The following DCHS2 variants were observed in gnomAD, a reference collection of about 807,000 sequenced individuals.
DCHS2 encodes dachsous cadherin-related 2.
A neutral mutation model predicts 182.4 loss-of-function variants in DCHS2; 142 were observed. That is an observed-to-expected ratio of 0.78 (90% CI 0.68 to 0.89). The LOEUF is 0.89. Among genes scored for constraint, DCHS2 ranks in the 40% least tolerant of loss-of-function variants. The pLI is 0.00. For synonymous variants in DCHS2, 1,740 were observed against 1,663.3 expected (o/e 1.05, Z -1.12); for missense variants, 4,319 against 4,198.6 (o/e 1.03, Z -0.79).
At chr4:154,248,540 TAATA>T (rs1732196915) in intron 16 of DCHS2, among the ~76,000 whole-genome samples, 1 of 152,152 alleles carries the variant, frequency 6.6e-6, no homozygotes, top group Middle Eastern at 3.2e-3. Flanking sequence ...ACTTTGATAA[TAATA>T]AAAAATCAAA....
chr4:154,334,645 C>A, intron 4 of DCHS2: 1 of 514,828 alleles, frequency 1.9e-6, no homozygotes, highest in Non-Finnish European at 3.5e-6. Context: ...TTATTTTAAA[C>A]ATTCTTTTTA....
intron 1 of DCHS2, chr4:154,391,274 T>C (rs748720646): frequency 1.2e-6 from 2 of 1,603,652 alleles, no homozygotes; most frequent in Non-Finnish European, 1.7e-6. Flanking sequence ...CATTCTCTGA[T>C]TTCGTTATCT....
At chr4:154,397,631 T>A (rs1731990756) in intron 1 of DCHS2, among the ~76,000 whole-genome samples, 1 of 152,198 alleles carries the variant, frequency 6.6e-6, no homozygotes, top group South Asian at 2.1e-4. Flanking sequence ...TTTCCCTACT[T>A]TTTTAACCTG....
At chr4:154,489,250 C>A in intron 1 of DCHS2, 54 bp downstream of exon 1, 2 of 1,387,272 alleles carry the variant, frequency 1.4e-6, no homozygotes, top group Non-Finnish European at 1.9e-6. Flanking sequence ...AACTCACAAC[C>A]CTCTCCATCC....
At position 154,297,284 on chromosome 4, in the gene DCHS2, C is replaced by CTT. The variant is rs556235728; in HGVS notation, c.6463+565_6463+566dup. On this transcript the variant is annotated intron_variant, in intron 13 of 19. Transcript: ENST00000357232. ...CTTTTAGTTCGCCTCTCAATTTAGA[C>CTT]TTATGCCCTTCACACGTTATATTTG... Among the ~76,000 whole-genome samples, 430 of 152,306 alleles carry CTT rather than the reference C, an allele frequency of 2.8e-3. 3 individuals are homozygous for CTT. The highest frequency in any genetic ancestry group is 9.6e-3 in the African/African-American group (400 of 41,574).
chr4:154,415,904 AT>A (rs1254612900), intron 1 of DCHS2, among the ~76,000 whole-genome samples: 2 of 151,938 alleles, frequency 1.3e-5, no homozygotes, highest in Admixed American at 6.5e-5. Flanking sequence ...CCATTTTATT[AT>A]TTTTTAAATA....
intron 16 of DCHS2, among the ~76,000 whole-genome samples, chr4:154,254,301 C>T (rs6826376): frequency 0.024 from 3,707 of 152,224 alleles, 155 homozygotes; most frequent in African/African-American, 0.081. Flanking sequence ...ATATTTTCTT[C>T]CAGAAGCATT....
chr4:154,283,653 G>A (rs923937844), intron 13 of DCHS2, among the ~76,000 whole-genome samples: 5 of 152,134 alleles, frequency 3.3e-5, no homozygotes, highest in African/African-American at 1.2e-4. Context: ...AGAAAGGCAG[G>A]TGCTAAAATG....
intron 1 of DCHS2, among the ~76,000 whole-genome samples, chr4:154,403,202 T>G (rs969561387): frequency 3.3e-5 from 5 of 152,170 alleles, no homozygotes; most frequent in African/African-American, 1.2e-4. Context: ...ATTACAATAC[T>G]GATTAGAAGT....
intron 1 of DCHS2, among the ~76,000 whole-genome samples, chr4:154,378,331 A>G (rs13134088): frequency 0.34 from 52,280 of 151,782 alleles, 10,294 homozygotes; most frequent in Non-Finnish European, 0.46. Context: ...GGCTCATGAT[A>G]GATAATGCTT....
chr4:154,389,607 CTT>C (rs768156556), intron 1 of DCHS2, among the ~76,000 whole-genome samples: 24 of 150,010 alleles, frequency 1.6e-4, no homozygotes, highest in Non-Finnish European at 3.3e-4. Flanking sequence ...TATATCATGA[CTT>C]TATATTTTAC....
intron 1 of DCHS2, among the ~76,000 whole-genome samples, chr4:154,476,613 T>C (rs995898052): frequency 2.6e-5 from 4 of 152,210 alleles, no homozygotes; most frequent in Admixed American, 1.3e-4. Flanking sequence ...CATTTTATCA[T>C]TGAACAAATT....
intron 2 of DCHS2, among the ~76,000 whole-genome samples, chr4:154,367,718 A>G (rs1730451638): frequency 6.6e-6 from 1 of 152,204 alleles, no homozygotes; most frequent in South Asian, 2.1e-4. Flanking sequence ...CCCCCTCTTC[A>G]TCTTTTTTGT....
At chr4:154,351,742 A>ACC (rs1056997995) in intron 3 of DCHS2, among the ~76,000 whole-genome samples, 1 of 152,144 alleles carries the variant, frequency 6.6e-6, no homozygotes, top group Non-Finnish European at 1.5e-5. Context: ...GATCTCCTGC[A>ACC]CGCACAGTTC....
intron 14 of DCHS2, among the ~76,000 whole-genome samples, chr4:154,264,167 G>T (rs1401045993): frequency 6.6e-6 from 1 of 152,132 alleles, no homozygotes; most frequent in Admixed American, 6.6e-5. Context: ...TTCAACTGAG[G>T]CTTCAGAGAA....
Position 154,304,702 on chromosome 4 carries a change from C to T in DCHS2, c.5572G>A (p.Gly1858Ser), listed in dbSNP as rs1578941942. The T allele has an allele frequency of 4.3e-6, 7 of 1,613,136 alleles. No homozygotes were observed. The East Asian group carries it at 1.6e-4, about 36-fold the overall frequency. ...YTVLASDMDA[G>S]NNRAVEYHII... ...TGATATTCAACAGCTCTGTTATTGCCAGCATCCATATCAGAGGCTAAAACC... is the reference window on the plus strand; with the variant it reads ...TGATATTCAACAGCTCTGTTATTGCTAGCATCCATATCAGAGGCTAAAACC... Residue 1858 changes from glycine to serine, a missense_variant, in exon 12 of 20, where the codon GGC becomes AGC. Gly to Ser is a moderately conservative substitution (Grantham distance 56, BLOSUM62 0). Coordinates refer to ENST00000357232, the MANE Select transcript of DCHS2 (RefSeq NM_001358235.2).
intron 13 of DCHS2, among the ~76,000 whole-genome samples, chr4:154,295,669 A>G (rs116306337): frequency 0.017 from 2,577 of 152,362 alleles, 70 homozygotes; most frequent in African/African-American, 0.058. Context: ...GGACAGAAAG[A>G]TAACAAAAAT....
intron 16 of DCHS2, among the ~76,000 whole-genome samples, chr4:154,247,898 G>A (rs551253773): frequency 3.3e-4 from 50 of 152,324 alleles, no homozygotes; most frequent in African/African-American, 1.1e-3. Flanking sequence ...CATGGGATCT[G>A]GAAGTGCTGG....
intron 3 of DCHS2, among the ~76,000 whole-genome samples, chr4:154,363,959 G>A (rs146297390): frequency 6.6e-6 from 1 of 152,286 alleles, no homozygotes; most frequent in East Asian, 1.9e-4. Context: ...AAAGGTTAAA[G>A]TAAAGCACTA....
Sources: allele counts gnomAD v4.1 joint callset (sites outside exome capture counted in the v4.1 genomes callset), GRCh38; gene constraint gnomAD v4.1.1; transcripts MANE v1.5; gene names NCBI Gene and HGNC (gene_info 2026-07-23, HGNC 2026-07-21).